The following PLPPR5 variants were observed in gnomAD, a reference collection of about 807,000 sequenced individuals.
PLPPR5 encodes the protein phospholipid phosphatase-related protein type 5.
A neutral mutation model predicts 33.9 loss-of-function variants in PLPPR5; 16 were observed. That is an observed-to-expected ratio of 0.47 (90% CI 0.32 to 0.72). The LOEUF is 0.72. PLPPR5 is among the 30% of genes least tolerant of loss of function. The pLI, the probability that PLPPR5 is intolerant of heterozygous loss-of-function variation, is 0.03. For synonymous variants in PLPPR5, 163 were observed against 150.3 expected (o/e 1.08, Z -0.62); for missense variants, 301 against 406.7 (o/e 0.74, Z 2.23).
intron 2 of PLPPR5, among the ~76,000 whole-genome samples, chr1:98,956,173 C>T (rs1650992515): frequency 6.6e-6 from 1 of 152,046 alleles, no homozygotes; most frequent in South Asian, 2.1e-4. Context: ...CACTAAGTAC[C>T]GTTCAAAGAT....
At chr1:98,968,236 T>C (rs1257412779) in intron 1 of PLPPR5, among the ~76,000 whole-genome samples, 2 of 152,054 alleles carry the variant, frequency 1.3e-5, no homozygotes, top group Non-Finnish European at 2.9e-5. Flanking sequence ...AATTTTAATA[T>C]ATAAAGTCAA....
At chr1:98,893,150 T>C (rs966239439) in intron 5 of PLPPR5, 46 bp from the exon 6 acceptor site, 1 of 1,581,576 alleles carries the variant, frequency 6.3e-7, no homozygotes. Flanking sequence ...TTGGGAACAT[T>C]AGCTTTGTAA....
intron 1 of PLPPR5, among the ~76,000 whole-genome samples, chr1:98,988,367 G>A (rs1443044430): frequency 6.6e-6 from 1 of 152,042 alleles, no homozygotes; most frequent in Non-Finnish European, 1.5e-5. Flanking sequence ...TATTATAAAT[G>A]GGATAACTGT....
At chr1:98,995,001 T>C (rs965877110) in intron 1 of PLPPR5, among the ~76,000 whole-genome samples, 3 of 151,970 alleles carry the variant, frequency 2.0e-5, no homozygotes, top group Non-Finnish European at 4.4e-5. Context: ...AGTCAAAAAA[T>C]AACAGATGCT....
At chr1:98,993,466 G>A (rs1237386598) in intron 1 of PLPPR5, among the ~76,000 whole-genome samples, 2 of 152,056 alleles carry the variant, frequency 1.3e-5, no homozygotes, top group Non-Finnish European at 2.9e-5. Context: ...ATCTCTTTGT[G>A]AAAGACCAAA....
At chr1:98,975,765 G>A (rs765053783) in intron 1 of PLPPR5, among the ~76,000 whole-genome samples, 4 of 151,876 alleles carry the variant, frequency 2.6e-5, no homozygotes, top group Admixed American at 6.6e-5. Context: ...CCAGCAAATC[G>A]GGATATCTCG....
intron 1 of PLPPR5, among the ~76,000 whole-genome samples, chr1:99,000,060 A>G (rs1652770471): frequency 1.3e-5 from 2 of 152,144 alleles, no homozygotes; most frequent in Admixed American, 1.3e-4. Flanking sequence ...GGGAGCAGAA[A>G]CCACTGTCAT....
chr1:98,971,927 T>C (rs984750695), intron 1 of PLPPR5, among the ~76,000 whole-genome samples: 6 of 152,094 alleles, frequency 3.9e-5, no homozygotes, highest in Admixed American at 3.3e-4. Context: ...GTCTCACCAC[T>C]GGGACCATCT....
intron 1 of PLPPR5, among the ~76,000 whole-genome samples, chr1:99,002,435 C>G (rs953040334): frequency 6.6e-6 from 1 of 152,188 alleles, no homozygotes; most frequent in Non-Finnish European, 1.5e-5. Context: ...AGGCATCCGT[C>G]CTATAGGCAT....
intron 5 of PLPPR5, among the ~76,000 whole-genome samples, chr1:98,911,352 G>A (rs901901162): frequency 1.3e-5 from 2 of 152,036 alleles, no homozygotes; most frequent in Non-Finnish European, 2.9e-5. Flanking sequence ...AATTTGTTAT[G>A]AACCTAAAAA....
intron 5 of PLPPR5, among the ~76,000 whole-genome samples, chr1:98,896,522 C>G (rs1041446103): frequency 6.6e-6 from 1 of 152,074 alleles, no homozygotes; most frequent in African/African-American, 2.4e-5. Flanking sequence ...TCTGCAATTA[C>G]ATTAACAGAG....
chr1:98,983,198 T>A (rs1318466174), intron 1 of PLPPR5, among the ~76,000 whole-genome samples: 1 of 149,530 alleles, frequency 6.7e-6, no homozygotes, highest in Non-Finnish European at 1.5e-5. Context: ...TAACTCGTCA[T>A]CTAGCATTAG....
At chr1:98,942,526 T>C (rs1650413757) in intron 3 of PLPPR5, among the ~76,000 whole-genome samples, 1 of 152,220 alleles carries the variant, frequency 6.6e-6, no homozygotes, top group South Asian at 2.1e-4. Flanking sequence ...TAAATTTCTC[T>C]AATCTCTATT....
intron 3 of PLPPR5, among the ~76,000 whole-genome samples, chr1:98,934,017 A>C (rs900448471): frequency 2.0e-5 from 3 of 152,178 alleles, no homozygotes; most frequent in Non-Finnish European, 4.4e-5. Flanking sequence ...GTGGTGCAGC[A>C]TGGGCACCAG....
chr1:98,930,695 T>G (rs2101175412), intron 3 of PLPPR5, among the ~76,000 whole-genome samples: 1 of 152,304 alleles, frequency 6.6e-6, no homozygotes, highest in East Asian at 1.9e-4. Context: ...AGAGTGTGCT[T>G]ATAACGTATT....
intron 1 of PLPPR5, among the ~76,000 whole-genome samples, chr1:98,965,282 C>T (rs1385221435): frequency 6.6e-6 from 1 of 152,130 alleles, no homozygotes. Flanking sequence ...CCTTCTCAAA[C>T]TTGAGTATCA....
At chr1:98,951,112 G>A (rs997043087) in intron 3 of PLPPR5, among the ~76,000 whole-genome samples, 2 of 152,154 alleles carry the variant, frequency 1.3e-5, no homozygotes, top group African/African-American at 4.8e-5. Flanking sequence ...TTTATATGCA[G>A]ATATATTTGC....
At chr1:98,899,427 T>A (rs545203098) in intron 5 of PLPPR5, among the ~76,000 whole-genome samples, 164 of 152,302 alleles carry the variant, frequency 1.1e-3, no homozygotes, top group Middle Eastern at 6.8e-3. Flanking sequence ...AGAAAGTGAT[T>A]AATGAAGTAA....
intron 1 of PLPPR5, among the ~76,000 whole-genome samples, chr1:98,985,237 G>A (rs1229705581): frequency 2.6e-5 from 4 of 151,972 alleles, no homozygotes; most frequent in African/African-American, 4.8e-5. Flanking sequence ...TAATAACTGA[G>A]TTCCTCTGGG....
Sources: gnomAD v4.1 joint callset for allele counts (sites outside exome capture counted in the v4.1 genomes callset) on GRCh38, gnomAD v4.1.1 for gene constraint, MANE v1.5 for transcripts, NCBI Gene and HGNC (gene_info 2026-07-23, HGNC 2026-07-21) for gene names.